GSK3B: variants seen among roughly 807,000 people sequenced by gnomAD.
GSK3B encodes glycogen synthase kinase-3 beta.
GSK3B carries 15 observed loss-of-function variants against 56.4 expected under a neutral mutation model. That is an observed-to-expected ratio of 0.27 (90% CI 0.18 to 0.41). The LOEUF is 0.41. Among genes scored for constraint, GSK3B ranks in the 10% least tolerant of loss-of-function variants. The probability of loss-of-function intolerance (pLI) is 1.00; values close to 1 mark genes in which losing one functional copy is unlikely to be tolerated. For synonymous variants in GSK3B, 181 were observed against 188.9 expected (o/e 0.96, Z 0.34); for missense variants, 300 against 513.4 (o/e 0.58, Z 4.02).
chr3:119,936,617 G>A (rs1468022369), intron 3 of GSK3B, among the ~76,000 whole-genome samples: 5 of 151,526 alleles, frequency 3.3e-5, no homozygotes, highest in Admixed American at 1.3e-4. Context: ...CAAAGTGCTG[G>A]GATTACAGGT....
intron 2 of GSK3B, among the ~76,000 whole-genome samples, chr3:119,981,081 G>A (rs1421113458): frequency 6.6e-6 from 1 of 152,164 alleles, no homozygotes. Context: ...TTTGCAGCTA[G>A]GTAAAACCTA....
intron 3 of GSK3B, among the ~76,000 whole-genome samples, chr3:119,927,658 C>A (rs1445750042): frequency 6.6e-6 from 1 of 152,022 alleles, no homozygotes; most frequent in Non-Finnish European, 1.5e-5. Context: ...TGGTTGCAAA[C>A]AGAGGTCAAG....
chr3:120,031,474 G>A (rs529745956), intron 1 of GSK3B, among the ~76,000 whole-genome samples: 1 of 152,328 alleles, frequency 6.6e-6, no homozygotes, highest in African/African-American at 2.4e-5. Context: ...ATGAGGGTAA[G>A]AACTCATTCT....
chr3:119,848,621 A>C (rs1165720266), intron 9 of GSK3B, among the ~76,000 whole-genome samples: 1 of 152,146 alleles, frequency 6.6e-6, no homozygotes, highest in Non-Finnish European at 1.5e-5. Context: ...GACCCTAGCA[A>C]GGGAAATTGT....
rs138835704 is a variant in GSK3B, at chr3:119,984,491, G to C, written c.282+17555C>G. 7.3e-5 allele frequency among the ~76,000 whole-genome samples: 11 copies of C among 151,666 alleles called. No homozygotes were observed. The East Asian group carries it at 2.1e-3, about 29-fold the overall frequency. On this transcript the variant is annotated intron_variant, in intron 2 of 10. Coordinates refer to ENST00000264235, the MANE Select transcript of GSK3B (RefSeq NM_001146156.2). ...AGCAAGATTAATAAAGAAGAAAAGA[G>C]AGAAGAATCAAATATACGCAATAAA...
chr3:120,077,310 G>GTA lies in GSK3B; in HGVS notation c.88+16035_88+16036dup, dbSNP rs752708601. 1.8e-4 allele frequency among the ~76,000 whole-genome samples: 27 copies of GTA among 152,030 alleles called. 1 individual carries two copies. Among genetic ancestry groups the GTA allele is most frequent in the South Asian group, 1.2e-3 (6 of 4,828 alleles). On this transcript the variant is annotated intron_variant, in intron 1 of 10. Coordinates refer to ENST00000264235, the MANE Select transcript of GSK3B (RefSeq NM_001146156.2). ...GACGAATGGTTAAACTTCAGTGTGT[G>GTA]TATATATATATGTGTGTGTGTACAC...
chr3:119,900,081 C>G (rs185603025), intron 7 of GSK3B, among the ~76,000 whole-genome samples: 1 of 151,996 alleles, frequency 6.6e-6, no homozygotes, highest in East Asian at 1.9e-4. Context: ...GAAAACTAAA[C>G]AGTAGTTTAG....
At chr3:120,078,375 G>A (rs1377618136) in intron 1 of GSK3B, among the ~76,000 whole-genome samples, 3 of 152,146 alleles carry the variant, frequency 2.0e-5, no homozygotes, top group Non-Finnish European at 4.4e-5. Flanking sequence ...AGTGCCGGAA[G>A]ACAATCTCCT....
intron 8 of GSK3B, among the ~76,000 whole-genome samples, chr3:119,875,708 A>G (rs910003880): frequency 6.6e-6 from 1 of 152,038 alleles, no homozygotes; most frequent in Non-Finnish European, 1.5e-5. Flanking sequence ...GTTCATACTT[A>G]ATCTCACAAA....
At chr3:119,968,335 G>T (rs766521702) in intron 2 of GSK3B, among the ~76,000 whole-genome samples, 3 of 151,880 alleles carry the variant, frequency 2.0e-5, no homozygotes, top group Admixed American at 6.6e-5. Flanking sequence ...ACCCAAAACT[G>T]GACAAAAACA....
At chr3:119,952,225 C>A (rs561880199) in intron 2 of GSK3B, among the ~76,000 whole-genome samples, 2 of 152,148 alleles carry the variant, frequency 1.3e-5, no homozygotes, top group Admixed American at 6.5e-5. Flanking sequence ...CGGTGGCTCA[C>A]GTCTATAATC....
chr3:119,947,911 C>A (rs548734354), intron 2 of GSK3B, among the ~76,000 whole-genome samples: 1 of 150,216 alleles, frequency 6.7e-6, no homozygotes, highest in African/African-American at 2.4e-5. Context: ...AGAAATTATA[C>A]AGTCCTGATA....
chr3:119,938,599 C>T (rs1049586816), intron 3 of GSK3B, among the ~76,000 whole-genome samples: 1 of 151,854 alleles, frequency 6.6e-6, no homozygotes, highest in Non-Finnish European at 1.5e-5. Flanking sequence ...CGTGATAAAA[C>T]GGAAAATGTT....
intron 1 of GSK3B, chr3:120,029,891 T>A (rs1389603578): frequency 1.8e-6 from 1 of 548,086 alleles, no homozygotes; most frequent in African/African-American, 1.9e-5. Context: ...ACAGTACTGG[T>A]GTATCTGGTC....
chr3:119,869,221 C>T (rs376254023), intron 8 of GSK3B, among the ~76,000 whole-genome samples: 1 of 294 alleles, frequency 3.4e-3, no homozygotes, highest in African/African-American at 0.012. Context: ...AAGATTCCAT[C>T]TCAAAAAAAA....
rs575769812 is a variant in GSK3B, at chr3:120,010,756, C to CTAAATAAATAAA, written c.89-8529_89-8518dup. Among the ~76,000 whole-genome samples, 640 of 151,718 alleles carry CTAAATAAATAAA rather than the reference C, an allele frequency of 4.2e-3. 2 individuals are homozygous for CTAAATAAATAAA. Among genetic ancestry groups the CTAAATAAATAAA allele is most frequent in the African/African-American group, 0.015 (602 of 41,316 alleles). On this transcript the variant is annotated intron_variant, in intron 1 of 10. Transcript: ENST00000264235. The stretch of plus-strand genomic sequence containing the variant: ...TGGGTGACAAAGGGAGACCCTGTCT[C>CTAAATAAATAAA]TAAATAAATAAATAAATAAATAAAT...
At chr3:119,985,446 T>A (rs189617451) in intron 2 of GSK3B, among the ~76,000 whole-genome samples, 1 of 152,296 alleles carries the variant, frequency 6.6e-6, no homozygotes, top group East Asian at 1.9e-4. Flanking sequence ...CTCCACCGTC[T>A]CAGCCCAAAA....
intron 2 of GSK3B, among the ~76,000 whole-genome samples, chr3:119,984,746 C>A (rs1192534844): frequency 1.3e-5 from 2 of 150,414 alleles, no homozygotes; most frequent in Non-Finnish European, 1.5e-5. Flanking sequence ...CAAAAAAAGT[C>A]CAGGACCAGA....
At chr3:120,048,369 T>C (rs1243632328) in intron 1 of GSK3B, among the ~76,000 whole-genome samples, 1 of 152,210 alleles carries the variant, frequency 6.6e-6, no homozygotes, top group Non-Finnish European at 1.5e-5. Context: ...GCAAGAACTG[T>C]GCATTCAAAT....
Sources: gnomAD v4.1 joint callset for allele counts (sites outside exome capture counted in the v4.1 genomes callset) on GRCh38, gnomAD v4.1.1 for gene constraint, MANE v1.5 for transcripts, NCBI Gene and HGNC (gene_info 2026-07-23, HGNC 2026-07-21) for gene names.